CTNNA3: variants seen among roughly 807,000 people sequenced by gnomAD.
CTNNA3 encodes the protein catenin alpha-3.
In CTNNA3, 76 loss-of-function variants were observed where a neutral mutation model predicts 95.7. The ratio of observed to expected loss-of-function variants is 0.79; its 90% CI spans 0.66 to 0.96. CTNNA3 has a LOEUF of 0.96. Ranked by LOEUF, CTNNA3 falls within the 40% of genes least tolerant of loss-of-function variation. The pLI, the probability that CTNNA3 is intolerant of heterozygous loss-of-function variation, is 0.00. For missense variants in CTNNA3, 1,191 were observed against 1,089.8 expected (o/e 1.09, Z -1.31); for synonymous variants, 431 against 374.4 (o/e 1.15, Z -1.74).
intron 13 of CTNNA3, among the ~76,000 whole-genome samples, chr10:66,190,802 AG>A (rs2086626813): frequency 6.6e-6 from 1 of 152,214 alleles, no homozygotes; most frequent in South Asian, 2.1e-4. Flanking sequence ...CAAAAGAAAA[AG>A]AATTGAGTGA....
At chr10:67,479,433 T>C (rs1848137153) in intron 5 of CTNNA3, among the ~76,000 whole-genome samples, 1 of 152,048 alleles carries the variant, frequency 6.6e-6, no homozygotes, top group African/African-American at 2.4e-5. Flanking sequence ...AAAATAGAAA[T>C]TAATACCAAG....
chr10:67,502,320 G>A (rs1202630485), intron 5 of CTNNA3, among the ~76,000 whole-genome samples: 2 of 152,150 alleles, frequency 1.3e-5, no homozygotes, highest in Admixed American at 1.3e-4. Context: ...AGCAAAGACT[G>A]CTCCTGTTCC....
chr10:66,708,323 C>A (rs1238128985), intron 9 of CTNNA3, among the ~76,000 whole-genome samples: 1 of 151,948 alleles, frequency 6.6e-6, no homozygotes, highest in Admixed American at 6.6e-5. Context: ...AAGGTGTTGG[C>A]AGGTCTAGTT....
At chr10:66,880,720 G>T (rs1010471144) in intron 7 of CTNNA3, among the ~76,000 whole-genome samples, 2 of 152,046 alleles carry the variant, frequency 1.3e-5, no homozygotes, top group African/African-American at 4.8e-5. Context: ...TTAACTGTGG[G>T]TTTTTTAATC....
chr10:66,563,601 C>G (rs1200553925), intron 10 of CTNNA3, among the ~76,000 whole-genome samples: 1 of 152,000 alleles, frequency 6.6e-6, no homozygotes, highest in Non-Finnish European at 1.5e-5. Flanking sequence ...AGCTGGGAAC[C>G]ATGTTGGGCA....
At chr10:66,264,620 G>A (rs566601797) in intron 13 of CTNNA3, among the ~76,000 whole-genome samples, 76 of 151,664 alleles carry the variant, frequency 5.0e-4, no homozygotes, top group Non-Finnish European at 8.0e-4. Context: ...GTTGTGTGTC[G>A]TACATTTACA....
intron 11 of CTNNA3, among the ~76,000 whole-genome samples, chr10:66,449,761 A>G (rs1347765815): frequency 2.6e-5 from 4 of 152,088 alleles, no homozygotes; most frequent in African/African-American, 9.7e-5. Context: ...ATCTTTTAAA[A>G]TAATACCACA....
chr10:66,105,903 G>T (rs2081880472), intron 13 of CTNNA3, among the ~76,000 whole-genome samples: 1 of 152,128 alleles, frequency 6.6e-6, no homozygotes. Context: ...AATTTTGAGG[G>T]CAATACATTA....
At chr10:66,654,127 G>T (rs926394048) in intron 9 of CTNNA3, among the ~76,000 whole-genome samples, 1 of 151,942 alleles carries the variant, frequency 6.6e-6, no homozygotes, top group African/African-American at 2.4e-5. Context: ...ATGCTAAAAA[G>T]TTTCTTCACA....
chr10:66,987,587 T>C (rs1168592649), intron 7 of CTNNA3, among the ~76,000 whole-genome samples: 1 of 152,206 alleles, frequency 6.6e-6, no homozygotes, highest in Non-Finnish European at 1.5e-5. Context: ...ATTCATCCAG[T>C]TACTACTGTC....
At chr10:67,140,798 T>C (rs1362808638) in intron 7 of CTNNA3, among the ~76,000 whole-genome samples, 1 of 152,212 alleles carries the variant, frequency 6.6e-6, no homozygotes, top group East Asian at 1.9e-4. Context: ...CCAGTTCTTT[T>C]GTTATTCCTT....
intron 13 of CTNNA3, among the ~76,000 whole-genome samples, chr10:66,156,797 A>T (rs1483427488): frequency 6.6e-6 from 1 of 151,900 alleles, no homozygotes; most frequent in Non-Finnish European, 1.5e-5. Flanking sequence ...GGGAAGCCAG[A>T]TCATATAGTG....
At chr10:66,268,594 A>G (rs1203346682) in intron 13 of CTNNA3, among the ~76,000 whole-genome samples, 1 of 152,146 alleles carries the variant, frequency 6.6e-6, no homozygotes, top group African/African-American at 2.4e-5. Flanking sequence ...GTTGTTTTAT[A>G]CCATTATGTG....
At chr10:67,373,511 C>T (rs1843564666) in intron 5 of CTNNA3, among the ~76,000 whole-genome samples, 1 of 152,150 alleles carries the variant, frequency 6.6e-6, no homozygotes, top group African/African-American at 2.4e-5. Context: ...CTTAGACTCC[C>T]ACACAACAAT....
At chr10:66,018,545 G>T (rs114967010) in intron 15 of CTNNA3, among the ~76,000 whole-genome samples, 1,909 of 151,994 alleles carry the variant, frequency 0.013, 29 homozygotes, top group African/African-American at 0.044. Flanking sequence ...TCACAATTCA[G>T]GTAGAGCAAT....
chr10:66,983,531 A>T (rs1367903638), intron 7 of CTNNA3, among the ~76,000 whole-genome samples: 1 of 150,802 alleles, frequency 6.6e-6, no homozygotes, highest in East Asian at 1.9e-4. Context: ...AGCCACTGCC[A>T]TTTTCTTCCC....
At chr10:66,789,473 C>T (rs1564684505) in intron 7 of CTNNA3, among the ~76,000 whole-genome samples, 1 of 152,106 alleles carries the variant, frequency 6.6e-6, no homozygotes, top group Admixed American at 6.5e-5. Flanking sequence ...CTGTGCGCGG[C>T]CACCTTTGTT....
At chr10:67,117,810 T>C (rs1859260562) in intron 7 of CTNNA3, among the ~76,000 whole-genome samples, 1 of 152,056 alleles carries the variant, frequency 6.6e-6, no homozygotes, top group Non-Finnish European at 1.5e-5. Flanking sequence ...AGGTTAATAA[T>C]GAGGTGCCTC....
chr10:67,726,285 CATATT>C (rs1449341924), intron 1 of CTNNA3, among the ~76,000 whole-genome samples: 1 of 94,110 alleles, frequency 1.1e-5, no homozygotes, highest in Non-Finnish European at 1.8e-5. Flanking sequence ...TATTATATTA[CATATT>C]ATATATGATA....
Sources: allele counts gnomAD v4.1 joint callset (sites outside exome capture counted in the v4.1 genomes callset), GRCh38; gene constraint gnomAD v4.1.1; transcripts MANE v1.5; gene names NCBI Gene and HGNC (gene_info 2026-07-23, HGNC 2026-07-21).